Variants in PLCE1 observed in about 807,000 individuals in gnomAD.
The protein encoded by PLCE1 is 1-phosphatidylinositol 4,5-bisphosphate phosphodiesterase epsilon-1.
PLCE1 carries 119 observed loss-of-function variants against 242.8 expected under a neutral mutation model. That is an observed-to-expected ratio of 0.49 (90% CI 0.42 to 0.57). The LOEUF (loss-of-function observed/expected upper bound fraction) is 0.57, where lower values mean the gene tolerates loss of function less well. Ranked by LOEUF, PLCE1 falls within the 20% of genes least tolerant of loss-of-function variation. The probability of loss-of-function intolerance (pLI) is 0.00; values close to 1 mark genes in which losing one functional copy is unlikely to be tolerated. For missense variants in PLCE1, 2,441 were observed against 2,788.8 expected (o/e 0.88, Z 2.81); for synonymous variants, 945 against 1,017.4 (o/e 0.93, Z 1.35).
intron 4 of PLCE1, among the ~76,000 whole-genome samples, chr10:94,196,673 C>T (rs1198697941): frequency 6.6e-6 from 1 of 151,960 alleles, no homozygotes; most frequent in African/African-American, 2.4e-5. Context: ...GAGAGGACCC[C>T]ACTCAGGTAT....
intron 24 of PLCE1, among the ~76,000 whole-genome samples, chr10:94,301,559 C>G (rs2053040455): frequency 6.6e-6 from 1 of 152,090 alleles, no homozygotes; most frequent in Admixed American, 6.5e-5. Flanking sequence ...CTGTGACTTC[C>G]TGGATTTCAG....
intron 2 of PLCE1, among the ~76,000 whole-genome samples, chr10:94,042,238 G>A (rs1306515413): frequency 6.6e-6 from 1 of 152,146 alleles, no homozygotes; most frequent in African/African-American, 2.4e-5. Flanking sequence ...TGTAGTAGAA[G>A]GGCAGAGGAT....
intron 2 of PLCE1, among the ~76,000 whole-genome samples, chr10:94,059,447 G>A (rs548689204): frequency 6.6e-6 from 1 of 152,266 alleles, no homozygotes; most frequent in South Asian, 2.1e-4. Context: ...GGGAACACCT[G>A]GGTGGAGATC....
intron 2 of PLCE1, among the ~76,000 whole-genome samples, chr10:94,033,271 G>C (rs2061598546): frequency 6.6e-6 from 1 of 151,850 alleles, no homozygotes; most frequent in Non-Finnish European, 1.5e-5. Context: ...GTATACTTAT[G>C]CATATATTGG....
chr10:94,049,634 T>C (rs1259947777), intron 2 of PLCE1, among the ~76,000 whole-genome samples: 1 of 152,136 alleles, frequency 6.6e-6, no homozygotes, highest in Admixed American at 6.5e-5. Context: ...TGTTGAAGTA[T>C]AACACATCTA....
chr10:94,298,052 T>A lies in PLCE1; in HGVS notation c.5168-327T>A, dbSNP rs183551620. On this transcript the variant is annotated intron_variant, in intron 23 of 32. Transcript: ENST00000371380. The surrounding 1 kb of genome is among the most constrained non-coding windows in gnomAD (Gnocchi z 5.2). ...GGGTTTTTTGTTTGGTTTTATTTTA[T>A]TTTTTTACTTTTTGTAGAGATGGGC... Among the ~76,000 whole-genome samples, 59 of 152,242 alleles carry A rather than the reference T, an allele frequency of 3.9e-4. No individual in the cohort carries two copies. In the East Asian group the frequency reaches 0.01, roughly 26 times the overall value.
chr10:94,262,516 G>A lies in PLCE1; in HGVS notation c.3837G>A (p.Ser1279=), dbSNP rs754326671. ...PDLDLLTRNV[S]DLGLFIKSKQ... ...CAGATCTGTTGACCAGAAATGTCTCGGATTTGGGGTTGTTCATTAAGAGTA... is the reference window on the plus strand; with the variant it reads ...CAGATCTGTTGACCAGAAATGTCTCAGATTTGGGGTTGTTCATTAAGAGTA... Residue 1279 remains serine (S), a synonymous_variant, in exon 14 of 33, where the codon TCG becomes TCA. Coordinates refer to ENST00000371380, the MANE Select transcript of PLCE1 (RefSeq NM_016341.4). 13 of 1,612,992 alleles carry A rather than the reference G, an allele frequency of 8.1e-6. No homozygotes were observed. Among genetic ancestry groups the A allele is most frequent in the Admixed American group, 1.7e-5 (1 of 59,994 alleles).
intron 4 of PLCE1, among the ~76,000 whole-genome samples, chr10:94,187,319 T>C (rs908834063): frequency 6.6e-6 from 1 of 152,086 alleles, no homozygotes; most frequent in African/African-American, 2.4e-5. Flanking sequence ...CAGGGCAGTA[T>C]CTCCCAACAT....
At chr10:94,053,512 A>G (rs1219866684) in intron 2 of PLCE1, among the ~76,000 whole-genome samples, 2 of 152,140 alleles carry the variant, frequency 1.3e-5, no homozygotes, top group Non-Finnish European at 2.9e-5. Flanking sequence ...TGCCCCTCCT[A>G]GATTGTAAGC....
At chr10:94,067,921 G>C in intron 2 of PLCE1, among the ~76,000 whole-genome samples, 1 of 152,080 alleles carries the variant, frequency 6.6e-6, no homozygotes, top group East Asian at 1.9e-4. Flanking sequence ...TTGGGGAAGG[G>C]GAACATGCAA....
intron 2 of PLCE1, among the ~76,000 whole-genome samples, chr10:94,071,542 G>GCT (rs2044361352): frequency 7.3e-6 from 1 of 137,930 alleles, no homozygotes; most frequent in Non-Finnish European, 1.5e-5. Flanking sequence ...TGTGGCCCAG[G>GCT]CTGGAGTGCA....
intron 3 of PLCE1, among the ~76,000 whole-genome samples, chr10:94,168,133 A>G (rs1302346563): frequency 6.6e-6 from 1 of 152,212 alleles, no homozygotes; most frequent in Non-Finnish European, 1.5e-5. Context: ...AGGAAGGACC[A>G]GGGGTCCTAG....
rs180741845 is a variant in PLCE1, at chr10:94,328,962, T to C, written c.*1019T>C. On this transcript the variant is annotated 3_prime_UTR_variant, in exon 33 of 33. Coordinates refer to ENST00000371380, the MANE Select transcript of PLCE1 (RefSeq NM_016341.4). ...AACAATTTTTTAAAGCAAAAGTAGA[T>C]TGAGTTGGCGTTTAAATTTATTTTG... 42 of 152,360 alleles carry C rather than the reference T, an allele frequency of 2.8e-4. No individual in the cohort carries two copies. The highest frequency in any genetic ancestry group is 7.2e-4 in the Admixed American group (11 of 15,302). The allele number at this position is 152,360 out of a possible 1,614,324, so 9.4% of individuals were successfully genotyped here. A position where few individuals can be genotyped will look rare whatever the true frequency, so the allele number is the denominator to read the frequency against.
intron 2 of PLCE1, among the ~76,000 whole-genome samples, chr10:94,071,476 G>T (rs2044350183): frequency 7.2e-6 from 1 of 138,846 alleles, no homozygotes; most frequent in South Asian, 2.3e-4. Context: ...TTTTGTCTGT[G>T]TGTGTGTGTT....
chr10:94,008,032 A>C lies in PLCE1; in HGVS notation c.-365+13774A>C, dbSNP rs549546441. On this transcript the variant is annotated intron_variant, in intron 1 of 32. Transcript: ENST00000371380. ...CATCTCTCCAAAAAAAAGAAAAAGG[A>C]AAAAGAAAAATTATCTGGACATGGT... is the stretch of plus-strand genomic sequence containing the variant. Among the ~76,000 whole-genome samples, 7 of 151,626 alleles carry C rather than the reference A, an allele frequency of 4.6e-5. No homozygotes were observed. The East Asian group carries it at 1.4e-3, about 30-fold the overall frequency.
chr10:94,323,018 CACTT>C (rs1437380778), intron 30 of PLCE1, among the ~76,000 whole-genome samples: 20 of 152,156 alleles, frequency 1.3e-4, no homozygotes, highest in Non-Finnish European at 2.9e-5. Context: ...CTTCAACAGA[CACTT>C]AGTATCTACA....
chr10:94,308,126 T>A (rs771287002), intron 26 of PLCE1, among the ~76,000 whole-genome samples: 11 of 152,252 alleles, frequency 7.2e-5, no homozygotes, highest in Non-Finnish European at 1.0e-4. Flanking sequence ...TAACTATACA[T>A]GTACATTACC....
At chr10:94,313,197 A>C in intron 27 of PLCE1, 57 bp from the exon 28 acceptor site, 38 of 1,600,172 alleles carry the variant, frequency 2.4e-5, no homozygotes, top group Non-Finnish European at 3.1e-5. Context: ...TGTATCAAAT[A>C]GAGCTTAGAA....
chr10:94,185,181 G>A (rs1393488185), intron 4 of PLCE1, among the ~76,000 whole-genome samples: 1 of 152,242 alleles, frequency 6.6e-6, no homozygotes, highest in African/African-American at 2.4e-5. Flanking sequence ...TTAGTAGAAA[G>A]AGGAAAGAGT....
Sources: gnomAD v4.1 joint callset for allele counts (sites outside exome capture counted in the v4.1 genomes callset) on GRCh38, gnomAD v4.1.1 for gene constraint, Gnocchi (gnomAD v3.1) non-coding constraint, MANE v1.5 for transcripts, NCBI Gene and HGNC (gene_info 2026-07-23, HGNC 2026-07-21) for gene names.